The following SIPA1L1 variants were observed in gnomAD, a reference collection of about 807,000 sequenced individuals.
The protein encoded by SIPA1L1 is signal-induced proliferation-associated 1-like protein 1.
A neutral mutation model predicts 162.7 loss-of-function variants in SIPA1L1; 26 were observed. The observed-to-expected ratio is 0.16, with a 90% CI of 0.12 to 0.22. The LOEUF (loss-of-function observed/expected upper bound fraction) is 0.22. SIPA1L1 is among the 10% of genes least tolerant of loss of function. SIPA1L1 has a pLI of 1.00. For synonymous variants in SIPA1L1, 829 were observed against 837.4 expected, an observed-to-expected ratio of 0.99 and a Z score of 0.17; for missense variants, 1,874 against 2,241.0, an observed-to-expected ratio of 0.84 and a Z score of 3.31.
chr14:71,666,294 T>A (rs536452809), intron 10 of SIPA1L1, among the ~76,000 whole-genome samples: 7 of 152,272 alleles, frequency 4.6e-5, no homozygotes, highest in African/African-American at 1.7e-4. Context: ...CCTGAATAAC[T>A]CTGCAGACAC....
chr14:71,583,011 C>T (rs1287257193), intron 4 of SIPA1L1, among the ~76,000 whole-genome samples: 1 of 152,092 alleles, frequency 6.6e-6, no homozygotes, highest in African/African-American at 2.4e-5. Context: ...AAATAGTTTG[C>T]CTTATTTGAT....
chr14:71,389,106 A>C, intron 2 of SIPA1L1, among the ~76,000 whole-genome samples: 1 of 152,140 alleles, frequency 6.6e-6, no homozygotes. Flanking sequence ...TTTCTGATGA[A>C]TCACCAAAGA....
chr14:71,613,683 C>T (rs1245466052), intron 5 of SIPA1L1, among the ~76,000 whole-genome samples: 1 of 152,182 alleles, frequency 6.6e-6, no homozygotes, highest in Admixed American at 6.5e-5. Flanking sequence ...TACTCCCCTT[C>T]CCTGCTAAAC....
chr14:71,620,692 T>C (rs1292927851), intron 6 of SIPA1L1, among the ~76,000 whole-genome samples: 1 of 152,196 alleles, frequency 6.6e-6, no homozygotes, highest in Admixed American at 6.5e-5. Context: ...TCTCCACATC[T>C]GATCCCAGCC....
chr14:71,560,456 G>A (rs182043762), intron 4 of SIPA1L1, among the ~76,000 whole-genome samples: 1 of 152,146 alleles, frequency 6.6e-6, no homozygotes, highest in Admixed American at 6.6e-5. Flanking sequence ...GAGGAAGAAG[G>A]GGGAGTAAGA....
At chr14:71,703,545 C>T (rs1185951652) in intron 15 of SIPA1L1, among the ~76,000 whole-genome samples, 2 of 152,210 alleles carry the variant, frequency 1.3e-5, no homozygotes, top group South Asian at 2.1e-4. Context: ...ATCTGTCATT[C>T]TCCACTCTTA....
At chr14:71,344,645 T>C (rs1457487064) in intron 2 of SIPA1L1, among the ~76,000 whole-genome samples, 1 of 152,198 alleles carries the variant, frequency 6.6e-6, no homozygotes, top group African/African-American at 2.4e-5. Context: ...CTGCAACCGC[T>C]GCCTCCTGGG....
intron 2 of SIPA1L1, among the ~76,000 whole-genome samples, chr14:71,498,200 G>C (rs1229894735): frequency 6.6e-6 from 1 of 152,040 alleles, no homozygotes; most frequent in Admixed American, 6.6e-5. Flanking sequence ...TCTTATTTTA[G>C]GTACACTTAA....
chr14:71,714,335 A>T (rs2083100029), intron 17 of SIPA1L1, among the ~76,000 whole-genome samples: 1 of 152,202 alleles, frequency 6.6e-6, no homozygotes, highest in African/African-American at 2.4e-5. Context: ...CAGATGCTTG[A>T]TGCAGATCTC....
At chr14:71,605,089 A>G (rs1475578724) in intron 5 of SIPA1L1, among the ~76,000 whole-genome samples, 1 of 151,572 alleles carries the variant, frequency 6.6e-6, no homozygotes, top group Admixed American at 6.6e-5. Flanking sequence ...TTTTTTTGCA[A>G]TTTTTGACTG....
At chr14:71,584,236 A>G (rs912810221) in intron 4 of SIPA1L1, among the ~76,000 whole-genome samples, 1 of 152,178 alleles carries the variant, frequency 6.6e-6, no homozygotes, top group Admixed American at 6.5e-5. Context: ...TTCAGGATGG[A>G]GGATGGGTTC....
chr14:71,426,489 T>TG (rs909182264), intron 2 of SIPA1L1, among the ~76,000 whole-genome samples: 1 of 148,202 alleles, frequency 6.7e-6, no homozygotes, highest in East Asian at 1.9e-4. Flanking sequence ...TTTCTTTCTT[T>TG]TTTTTTTTTT....
chr14:71,569,048 G>A (rs1435508328), intron 4 of SIPA1L1, among the ~76,000 whole-genome samples: 1 of 152,094 alleles, frequency 6.6e-6, no homozygotes, highest in African/African-American at 2.4e-5. Flanking sequence ...CAGTTTTATC[G>A]TGTAGCAGTT....
chr14:71,635,728 T>C (rs1444414956), intron 7 of SIPA1L1, among the ~76,000 whole-genome samples: 1 of 152,166 alleles, frequency 6.6e-6, no homozygotes, highest in African/African-American at 2.4e-5. Context: ...TAAACTCTAA[T>C]GCAGAAATTA....
intron 4 of SIPA1L1, among the ~76,000 whole-genome samples, chr14:71,563,604 A>G (rs1001422877): frequency 6.6e-6 from 1 of 152,116 alleles, no homozygotes; most frequent in African/African-American, 2.4e-5. Flanking sequence ...CTCATGACCT[A>G]TTTATCTCAT....
intron 15 of SIPA1L1, among the ~76,000 whole-genome samples, chr14:71,703,720 A>G (rs1464457003): frequency 2.0e-5 from 3 of 152,308 alleles, no homozygotes; most frequent in East Asian, 1.9e-4. Context: ...TTTGGCTCCT[A>G]GTGCAGGCTT....
intron 2 of SIPA1L1, among the ~76,000 whole-genome samples, chr14:71,435,885 G>A (rs1331937447): frequency 1.3e-5 from 2 of 152,146 alleles, no homozygotes; most frequent in Admixed American, 1.3e-4. Flanking sequence ...GTGTGAGATG[G>A]TATCTCATTG....
At chr14:71,510,560 C>A (rs1362142989) in intron 2 of SIPA1L1, among the ~76,000 whole-genome samples, 1 of 152,070 alleles carries the variant, frequency 6.6e-6, no homozygotes, top group Non-Finnish European at 1.5e-5. Context: ...TGACATTGCT[C>A]ATAAGATTAT....
At chr14:71,618,166 A>T (rs2039039736) in intron 5 of SIPA1L1, among the ~76,000 whole-genome samples, 1 of 152,208 alleles carries the variant, frequency 6.6e-6, no homozygotes, top group African/African-American at 2.4e-5. Flanking sequence ...GCACTGTGGG[A>T]TACCGTGCTA....
Sources: allele counts gnomAD v4.1 joint callset (sites outside exome capture counted in the v4.1 genomes callset), GRCh38; gene constraint gnomAD v4.1.1; transcripts MANE v1.5; gene names NCBI Gene and HGNC (gene_info 2026-07-23, HGNC 2026-07-21).